The following FAM151B variants were observed in gnomAD, a reference collection of about 807,000 sequenced individuals.
FAM151B encodes protein FAM151B.
Under a neutral mutation model 31.2 loss-of-function variants are expected in FAM151B, and 24 were observed. The observed-to-expected ratio is 0.77, with a 90% CI of 0.56 to 1.08. FAM151B has a LOEUF of 1.08. FAM151B is among the 50% of genes least tolerant of loss of function. The pLI, the probability that FAM151B is intolerant of heterozygous loss-of-function variation, is 0.00. For synonymous variants in FAM151B, 105 were observed against 111.4 expected (o/e 0.94, Z 0.36); for missense variants, 293 against 328.6 (o/e 0.89, Z 0.84).
intron 1 of FAM151B, chr5:80,501,411 C>T: frequency 1.5e-6 from 1 of 684,396 alleles, no homozygotes; most frequent in South Asian, 1.8e-5. Context: ...AAGATGTCTA[C>T]CATGATTATT....
chr5:80,500,553 C>A, intron 1 of FAM151B: 2 of 755,452 alleles, frequency 2.6e-6, no homozygotes, highest in Non-Finnish European at 4.8e-6. Flanking sequence ...GCAAGGATGG[C>A]GAGAAAAGCT....
At chr5:80,506,622 C>A (rs1473844179) in intron 2 of FAM151B, among the ~76,000 whole-genome samples, 1 of 152,170 alleles carries the variant, frequency 6.6e-6, no homozygotes, top group Non-Finnish European at 1.5e-5. Context: ...ACCCAGCATC[C>A]AAAGTGGTAT....
chr5:80,516,248 C>G (rs372206079), intron 3 of FAM151B, among the ~76,000 whole-genome samples: 1 of 152,174 alleles, frequency 6.6e-6, no homozygotes, highest in Middle Eastern at 3.4e-3. Context: ...CACTTGGACC[C>G]GGGAAGCGGA....
chr5:80,490,187 G>A (rs1447246211), intron 1 of FAM151B, among the ~76,000 whole-genome samples: 2 of 152,056 alleles, frequency 1.3e-5, no homozygotes, highest in African/African-American at 4.8e-5. Flanking sequence ...CTGGAGTTTG[G>A]ATCAGCCTGG....
chr5:80,500,985 A>G, intron 1 of FAM151B: 1 of 642,078 alleles, frequency 1.6e-6, no homozygotes, highest in South Asian at 1.7e-5. Flanking sequence ...CATGAGGCGG[A>G]ATGAAGAAAA....
chr5:80,533,274 G>A (rs1273243904), intron 5 of FAM151B, among the ~76,000 whole-genome samples: 1 of 152,038 alleles, frequency 6.6e-6, no homozygotes, highest in Non-Finnish European at 1.5e-5. Flanking sequence ...CTACTCGGGA[G>A]GCTGAGGCAG....
chr5:80,500,620 T>C, intron 1 of FAM151B: 1 of 760,504 alleles, frequency 1.3e-6, no homozygotes, highest in East Asian at 2.4e-5. Flanking sequence ...GGATCAGAGG[T>C]GTCAGTGGTG....
chr5:80,500,150 A>G (rs897617163), intron 1 of FAM151B, among the ~76,000 whole-genome samples: 2 of 152,242 alleles, frequency 1.3e-5, no homozygotes, highest in Non-Finnish European at 1.5e-5. Context: ...AGCCAGACAC[A>G]GAAAGAAAAA....
chr5:80,520,389 A>C (rs975069194), intron 4 of FAM151B, among the ~76,000 whole-genome samples: 4 of 152,056 alleles, frequency 2.6e-5, no homozygotes, highest in African/African-American at 9.7e-5. Context: ...TCATGCCTGT[A>C]ATCACCACAC....
At chr5:80,505,478 T>G (rs1425739509) in intron 2 of FAM151B, among the ~76,000 whole-genome samples, 1 of 149,986 alleles carries the variant, frequency 6.7e-6, no homozygotes, top group African/African-American at 2.5e-5. Context: ...CACTGCAAGC[T>G]CCGCCTCCTG....
intron 5 of FAM151B, among the ~76,000 whole-genome samples, chr5:80,530,501 C>G (rs111592739): frequency 6.6e-6 from 1 of 152,064 alleles, no homozygotes; most frequent in Non-Finnish European, 1.5e-5. Context: ...TGTCTCAGCC[C>G]AAAATCTCCT....
intron 2 of FAM151B, among the ~76,000 whole-genome samples, chr5:80,507,426 A>G (rs904979165): frequency 1.3e-5 from 2 of 151,870 alleles, no homozygotes; most frequent in East Asian, 3.9e-4. Flanking sequence ...CACGCCTATA[A>G]TCCCAGCACT....
In FAM151B at chr5:80,513,747, G is replaced by A. The variant is rs201855456; in HGVS notation, c.295G>A (p.Gly99Ser). Residue 99 changes from glycine to serine, a missense_variant, in exon 3 of 6, where the codon GGC becomes AGC. By Grantham distance (56) the Gly-to-Ser change is moderately conservative. Transcript: ENST00000282226. ...WLTEVMKSNKGIKLDFKSLAV... is the reference protein window; with the variant it reads ...WLTEVMKSNKSIKLDFKSLAV... ...GACTGAAGTTATGAAAAGCAATAAA[G>A]GCATCAAGCTGGATTTCAAAAGGTA... The A allele has an allele frequency of 1.9e-6, 3 of 1,611,030 alleles. No individual in the cohort carries two copies. The highest frequency in any genetic ancestry group is 1.7e-5 in the Admixed American group (1 of 59,112).
At chr5:80,511,435 C>CAAAAAAA (rs57587683) in intron 2 of FAM151B, among the ~76,000 whole-genome samples, 1 of 54,086 alleles carries the variant, frequency 1.8e-5, no homozygotes, top group African/African-American at 7.1e-5. Flanking sequence ...GACTCTGTCT[C>CAAAAAAA]AAAAAAAAAA....
intron 5 of FAM151B, among the ~76,000 whole-genome samples, chr5:80,533,329 A>G (rs1260168517): frequency 1.3e-5 from 2 of 151,898 alleles, no homozygotes; most frequent in East Asian, 1.9e-4. Flanking sequence ...GTGAACCGAG[A>G]TCACACCACT....
At chr5:80,505,616 G>A (rs902462034) in intron 2 of FAM151B, among the ~76,000 whole-genome samples, 20 of 151,432 alleles carry the variant, frequency 1.3e-4, no homozygotes, top group African/African-American at 3.6e-4. Context: ...GGATGGTCTC[G>A]ATCTCCTGAC....
rs374879012 is a variant in FAM151B, at chr5:80,501,853, C to A, written c.87C>A (p.Asp29Glu). The A allele has an allele frequency of 6.2e-7, 1 of 1,603,292 alleles. No individual in the cohort carries two copies. The highest frequency in any genetic ancestry group is 1.3e-5 in the African/African-American group (1 of 74,604). ...FLRNSQITAE[D>E]GAEITWYHAA... ...GAAATAGCCAGATTACAGCAGAAGACGGTGCTGAGATCACCTGGTATCATG... is the reference window on the plus strand; with the variant it reads ...GAAATAGCCAGATTACAGCAGAAGAAGGTGCTGAGATCACCTGGTATCATG... The change falls in exon 2 of 6, where the codon GAC (aspartate) becomes GAA (glutamate). Residue 29 changes from aspartate (D) to glutamate (E), a missense_variant. Physicochemically the swap from Asp to Glu is conservative, Grantham distance 45. Coordinates refer to ENST00000282226, the MANE Select transcript of FAM151B (RefSeq NM_205548.3).
chr5:80,535,946 A>T (rs926464644), intron 5 of FAM151B, among the ~76,000 whole-genome samples: 5 of 152,148 alleles, frequency 3.3e-5, no homozygotes, highest in Non-Finnish European at 1.5e-5. Flanking sequence ...GACATTTCTT[A>T]AAAAAAGACA....
chr5:80,509,021 C>A (rs921732020), intron 2 of FAM151B, among the ~76,000 whole-genome samples: 1 of 152,042 alleles, frequency 6.6e-6, no homozygotes, highest in Non-Finnish European at 1.5e-5. Context: ...TCACCCAGGC[C>A]GTAGTGCAGT....
Sources: allele counts gnomAD v4.1 joint callset (sites outside exome capture counted in the v4.1 genomes callset), GRCh38; gene constraint gnomAD v4.1.1; transcripts MANE v1.5; gene names NCBI Gene and HGNC (gene_info 2026-07-23, HGNC 2026-07-21).